Variants in STK32C observed in about 807,000 individuals in gnomAD.
STK32C encodes the protein serine/threonine kinase 32C.
In STK32C, 31 loss-of-function variants were observed where a neutral mutation model predicts 56.5. The observed-to-expected ratio is 0.55, with a 90% CI of 0.41 to 0.74. STK32C has a LOEUF of 0.74. Ranked by LOEUF, STK32C falls within the 30% of genes least tolerant of loss-of-function variation. The pLI is 0.00. For missense variants in STK32C, 544 were observed against 676.9 expected, an observed-to-expected ratio of 0.80 and a Z score of 2.18; for synonymous variants, 309 against 289.4, an observed-to-expected ratio of 1.07 and a Z score of -0.69.
At chr10:132,331,930 A>T, upstream of STK32C, 1 of 549,072 alleles carries the variant, frequency 1.8e-6, no homozygotes, top group Non-Finnish European at 2.7e-6. Flanking sequence ...CCCCACCGCA[A>T]GCGCAACCCC....
chr10:132,284,301 G>GATTCAACCCATGAGGCTCCACAGGGACTC, intron 1 of STK32C, among the ~76,000 whole-genome samples: 1 of 95,942 alleles, frequency 1.0e-5, no homozygotes, highest in African/African-American at 4.2e-5. Context: ...GGGGGGGCAG[G>GATTCAACCCATGAGGCTCCACAGGGACTC]TGAGGTTGGG....
In STK32C at chr10:132,236,040, G is replaced by A. The variant is rs550182354; in HGVS notation, c.319-7912C>T. ...TGTCGCGTCGGTCCCTGATGAGGCC[G>A]GACCCGGGTGCTTGTGGGGGGTCAC... On this transcript the variant is annotated intron_variant, in intron 2 of 11. Coordinates refer to ENST00000298630, the MANE Select transcript of STK32C (RefSeq NM_173575.4). Among the ~76,000 whole-genome samples the A allele has an allele frequency of 3.5e-4, 53 of 152,292 alleles. 1 individual carries two copies. Among genetic ancestry groups the A allele is most frequent in the African/African-American group, 1.1e-3 (46 of 41,568 alleles).
At chr10:132,244,969 G>GCAA (rs1388195280) in intron 2 of STK32C, among the ~76,000 whole-genome samples, 1 of 152,168 alleles carries the variant, frequency 6.6e-6, no homozygotes, top group African/African-American at 2.4e-5. Context: ...CTCTCTTCTT[G>GCAA]GTGCACGGGA....
chr10:132,236,428 T>C (rs1457492032), intron 2 of STK32C, among the ~76,000 whole-genome samples: 2 of 152,312 alleles, frequency 1.3e-5, no homozygotes, highest in East Asian at 3.9e-4. Flanking sequence ...GGGTGGCAGG[T>C]GGCAGCCCCA....
At chr10:132,327,632 C>T (rs911698686) in intron 1 of STK32C, among the ~76,000 whole-genome samples, 1 of 151,974 alleles carries the variant, frequency 6.6e-6, no homozygotes, top group African/African-American at 2.4e-5. Flanking sequence ...TGCACCACCA[C>T]GCCTGGATAA....
At chr10:132,248,600 A>G (rs1486414784) in intron 1 of STK32C, among the ~76,000 whole-genome samples, 1 of 152,250 alleles carries the variant, frequency 6.6e-6, no homozygotes, top group African/African-American at 2.4e-5. Flanking sequence ...TGGTCGGCAC[A>G]GCCTTGGCCA....
At chr10:132,225,818 G>C in intron 4 of STK32C, 34 bp from the exon 5 acceptor site, 1 of 1,613,500 alleles carries the variant, frequency 6.2e-7, no homozygotes, top group Non-Finnish European at 8.5e-7. Flanking sequence ...GGTGAGTTGG[G>C]AATCTGCCCT....
intron 1 of STK32C, among the ~76,000 whole-genome samples, chr10:132,275,204 G>A (rs571436306): frequency 1.3e-4 from 20 of 152,302 alleles, no homozygotes; most frequent in African/African-American, 3.8e-4. Context: ...CCCCGTACCC[G>A]TGCCCACCAT....
At chr10:132,249,815 A>G (rs563009932) in intron 1 of STK32C, among the ~76,000 whole-genome samples, 1 of 152,270 alleles carries the variant, frequency 6.6e-6, no homozygotes, top group East Asian at 1.9e-4. Context: ...TCAGCAACCC[A>G]TGAGGGTCTC....
chr10:132,237,304 C>T (rs2063328911), intron 2 of STK32C, among the ~76,000 whole-genome samples: 1 of 152,252 alleles, frequency 6.6e-6, no homozygotes, highest in African/African-American at 2.4e-5. Flanking sequence ...AGGGCCACCT[C>T]TCTGGCCTCA....
rs566729094 is a variant in STK32C at position 132,315,164 on chromosome 10, G to T, written c.301+16272C>A. Among the ~76,000 whole-genome samples the T allele has an allele frequency of 1.1e-4, 16 of 152,206 alleles. No individual in the cohort carries two copies. The South Asian group carries it at 3.1e-3, about 30-fold the overall frequency. On this transcript the variant is annotated intron_variant, in intron 1 of 3. Transcript: ENST00000368620. ...AAAAAAGAATAAGTTCATGTCCTTT[G>T]CAGGGACATGGATGAAGCTGGAATC...
At chr10:132,238,683 T>C (rs548934488) in intron 2 of STK32C, among the ~76,000 whole-genome samples, 1 of 152,158 alleles carries the variant, frequency 6.6e-6, no homozygotes, top group East Asian at 1.9e-4. Context: ...TTCTGATCTC[T>C]AGGAAGTGGC....
rs1297635607 is a variant in STK32C at position 132,298,479 on chromosome 10, C to G, written c.262+9093G>C. ...CGGCAGCCCCTTCCGATGCGGGGTC[C>G]AGCTCCCCTCCCCTGAGGATGAGCT... On this transcript the variant is annotated intron_variant, in intron 1 of 11. Transcript: ENST00000298630. Among the ~76,000 whole-genome samples, 5 of 152,318 alleles carry G rather than the reference C, an allele frequency of 3.3e-5. No homozygotes were observed. The East Asian group carries it at 9.7e-4, about 29-fold the overall frequency.
At position 132,216,234 on chromosome 10, in the gene STK32C, G is replaced by A. The variant is rs141011513; in HGVS notation, c.1251+6407C>T. Among the ~76,000 whole-genome samples, 1,083 of 152,282 alleles carry A rather than the reference G, an allele frequency of 7.1e-3. 40 individuals carry two copies. The highest frequency in any genetic ancestry group is 0.053 in the East Asian group (276 of 5,188). Reference sequence around the variant, plus strand: ...AATCCTAGCACTTTGGGAGGTTAAGGCAGGCAGATCACCTGAGGTCAGGAG... The same window carrying A: ...AATCCTAGCACTTTGGGAGGTTAAGACAGGCAGATCACCTGAGGTCAGGAG... On this transcript the variant is annotated intron_variant, in intron 10 of 11. Coordinates refer to ENST00000298630, the MANE Select transcript of STK32C (RefSeq NM_173575.4).
At chr10:132,308,584 G>C (rs1275868566), upstream of STK32C, among the ~76,000 whole-genome samples, 11 of 151,834 alleles carry the variant, frequency 7.2e-5, no homozygotes, top group Non-Finnish European at 1.6e-4. Context: ...GGGTGGGGCA[G>C]GGCGGGCCTG....
chr10:132,253,023 C>T (rs1166236976), intron 1 of STK32C, among the ~76,000 whole-genome samples: 1 of 152,210 alleles, frequency 6.6e-6, no homozygotes, highest in Non-Finnish European at 1.5e-5. Context: ...AACCAGGCCC[C>T]ACAATCAGAG....
intron 1 of STK32C, among the ~76,000 whole-genome samples, chr10:132,258,085 C>T (rs942801341): frequency 5.3e-5 from 8 of 152,226 alleles, no homozygotes; most frequent in African/African-American, 1.9e-4. Flanking sequence ...TGATGAATGC[C>T]GGCTGAGTGG....
chr10:132,248,998 C>T (rs1343131676), intron 1 of STK32C: 1 of 462,108 alleles, frequency 2.2e-6, no homozygotes, highest in East Asian at 6.8e-5. Flanking sequence ...ATAAGGGAGT[C>T]ACGGCAATTG....
intron 1 of STK32C, among the ~76,000 whole-genome samples, chr10:132,327,304 C>T (rs2066519631): frequency 6.6e-6 from 1 of 152,106 alleles, no homozygotes; most frequent in East Asian, 1.9e-4. Flanking sequence ...TCCTCCTTAC[C>T]TTCCACCATG....
Sources: gnomAD v4.1 joint callset for allele counts (sites outside exome capture counted in the v4.1 genomes callset) on GRCh38, gnomAD v4.1.1 for gene constraint, MANE v1.5 for transcripts, NCBI Gene and HGNC (gene_info 2026-07-23, HGNC 2026-07-21) for gene names.